Variants in DYM observed in about 807,000 individuals in gnomAD.
DYM encodes dymeclin.
DYM carries 78 observed loss-of-function variants against 93.1 expected under a neutral mutation model. The ratio of observed to expected loss-of-function variants is 0.84; its 90% CI spans 0.70 to 1.01. The LOEUF (loss-of-function observed/expected upper bound fraction) is 1.01, where lower values mean the gene tolerates loss of function less well. DYM is among the 50% of genes least tolerant of loss of function. The pLI is 0.00. For missense variants in DYM, 789 were observed against 845.0 expected (o/e 0.93, Z 0.82); for synonymous variants, 321 against 319.7 (o/e 1.00, Z -0.04).
In DYM at chr18:49,453,110, TG is replaced by T. The variant is rs1386314766; in HGVS notation, c.-54+7287del. ...CACACCCTGTGTCTAGCTCAAGGTT[TG>T]TAAATGCACCAATCAGCACTCTGTA... On this transcript the variant is annotated intron_variant, in intron 1 of 17. Transcript: ENST00000675505. Among the ~76,000 whole-genome samples the T allele has an allele frequency of 3.0e-5, 4 of 134,108 alleles. 1 individual carries two copies. Among genetic ancestry groups the T allele is most frequent in the Non-Finnish European group, 6.4e-5 (4 of 62,060 alleles). The allele number at this position is 134,108 out of a possible 152,430, so 88.0% of individuals were successfully genotyped here.
chr18:49,266,616 T>A (rs1217306799), intron 11 of DYM, among the ~76,000 whole-genome samples: 1 of 152,192 alleles, frequency 6.6e-6, no homozygotes, highest in East Asian at 1.9e-4. Context: ...TGTCTCAACT[T>A]AAATAAAAAG....
chr18:49,048,662 T>C (rs998284342), intron 17 of DYM, among the ~76,000 whole-genome samples: 1 of 152,160 alleles, frequency 6.6e-6, no homozygotes, highest in Non-Finnish European at 1.5e-5. Flanking sequence ...TAGGCAAGGC[T>C]GCTACTAAGT....
intron 1 of DYM, among the ~76,000 whole-genome samples, chr18:49,443,792 C>G (rs538979869): frequency 1.3e-5 from 2 of 152,246 alleles, no homozygotes; most frequent in South Asian, 4.1e-4. Context: ...CCAAATGGCT[C>G]ATTTGTTAAG....
chr18:49,359,900 T>G (rs1331813352), intron 6 of DYM: 2 of 152,294 alleles, frequency 1.3e-5, no homozygotes, highest in East Asian at 3.9e-4. Flanking sequence ...GCACTACAGT[T>G]AGAGGAAATG....
intron 6 of DYM, among the ~76,000 whole-genome samples, chr18:49,338,152 T>A (rs1211774267): frequency 6.6e-6 from 1 of 152,190 alleles, no homozygotes; most frequent in Non-Finnish European, 1.5e-5. Flanking sequence ...TAAATAGCAT[T>A]TCTCCTTAGC....
chr18:49,427,573 G>A (rs1435894994), intron 2 of DYM, among the ~76,000 whole-genome samples: 1 of 151,134 alleles, frequency 6.6e-6, no homozygotes, highest in Admixed American at 6.6e-5. Flanking sequence ...TGTGATAATG[G>A]TATTATGGTT....
intron 11 of DYM, among the ~76,000 whole-genome samples, chr18:49,266,108 A>G (rs114110896): frequency 6.6e-6 from 1 of 152,136 alleles, no homozygotes; most frequent in Non-Finnish European, 1.5e-5. Context: ...TCTCAAAAAA[A>G]TTTTTACAAA....
At chr18:49,183,078 T>C (rs918273511) in intron 14 of DYM, among the ~76,000 whole-genome samples, 1 of 152,212 alleles carries the variant, frequency 6.6e-6, no homozygotes, top group African/African-American at 2.4e-5. Context: ...GAAGTGGTGA[T>C]TGCACATTTT....
chr18:49,146,479 T>C lies in DYM; in HGVS notation c.1728+17206A>G, dbSNP rs188622720. 5.9e-5 allele frequency among the ~76,000 whole-genome samples: 9 copies of C among 152,340 alleles called. No individual in the cohort carries two copies. The South Asian group carries it at 1.5e-3, about 25-fold the overall frequency. On this transcript the variant is annotated intron_variant, in intron 15 of 17. Transcript: ENST00000675505. ...TCAGCACAAAATCTCCTTAAACTGA[T>C]AGGCAACTTCAGCAAAGTCTCAGGT...
At chr18:49,287,488 A>G (rs1202067545) in intron 8 of DYM, among the ~76,000 whole-genome samples, 1 of 151,934 alleles carries the variant, frequency 6.6e-6, no homozygotes, top group East Asian at 1.9e-4. Flanking sequence ...GCATGGTACT[A>G]CTAATGCCCA....
intron 17 of DYM, among the ~76,000 whole-genome samples, chr18:49,055,881 G>A (rs1008935364): frequency 1.3e-5 from 2 of 152,244 alleles, no homozygotes; most frequent in African/African-American, 2.4e-5. Flanking sequence ...CAGCGTTCCA[G>A]GAAATATCCT....
At chr18:49,149,296 C>A (rs989159236) in intron 15 of DYM, among the ~76,000 whole-genome samples, 15 of 152,078 alleles carry the variant, frequency 9.9e-5, no homozygotes, top group African/African-American at 3.6e-4. Context: ...GTTCCAACAG[C>A]CCATGGACCA....
chr18:49,340,248 G>A (rs370123938), intron 6 of DYM, among the ~76,000 whole-genome samples: 16 of 151,860 alleles, frequency 1.1e-4, no homozygotes, highest in East Asian at 1.9e-4. Context: ...CACTGCACCC[G>A]GCCCACGTGG....
intron 3 of DYM, among the ~76,000 whole-genome samples, chr18:49,388,518 G>A (rs2068855969): frequency 6.6e-6 from 1 of 151,586 alleles, no homozygotes. Context: ...GAGGAGAGGA[G>A]AGACAGAATA....
At chr18:49,445,583 A>AT (rs2082029507) in intron 1 of DYM, among the ~76,000 whole-genome samples, 1 of 152,212 alleles carries the variant, frequency 6.6e-6, no homozygotes, top group Non-Finnish European at 1.5e-5. Flanking sequence ...AATTTAGAAG[A>AT]TTTTAATATA....
intron 15 of DYM, among the ~76,000 whole-genome samples, chr18:49,127,012 A>C (rs2082894727): frequency 6.6e-6 from 1 of 152,204 alleles, no homozygotes; most frequent in Non-Finnish European, 1.5e-5. Flanking sequence ...AACTAACCGT[A>C]TTTCCTCAGT....
intron 2 of DYM, among the ~76,000 whole-genome samples, chr18:49,427,599 CTT>C (rs775458731): frequency 6.6e-6 from 1 of 151,628 alleles, no homozygotes; most frequent in South Asian, 2.1e-4. Flanking sequence ...AAAAAAAAGA[CTT>C]TACGATACTT....
Position 49,326,527 on chromosome 18 carries a change from A to T in DYM, c.763+5337T>A, listed in dbSNP as rs112114255. The stretch of plus-strand genomic sequence containing the variant: ...TTAATTTCTATTACACTAATTTTAA[A>T]AACTTACTAGTGGTAATTAAAAGGT... On this transcript the variant is annotated intron_variant, in intron 8 of 17. Coordinates refer to ENST00000675505, the MANE Select transcript of DYM (RefSeq NM_001353214.3). Among the ~76,000 whole-genome samples, 1,262 of 152,298 alleles carry T rather than the reference A, an allele frequency of 8.3e-3. 32 individuals carry two copies. The highest frequency in any genetic ancestry group is 0.076 in the South Asian group (367 of 4,832).
At chr18:49,438,125 G>A (rs1600247553) in intron 1 of DYM, among the ~76,000 whole-genome samples, 1 of 151,764 alleles carries the variant, frequency 6.6e-6, no homozygotes, top group South Asian at 2.1e-4. Flanking sequence ...AGTGAGCCAC[G>A]TCTACACCAC....
Sources: allele counts gnomAD v4.1 joint callset (sites outside exome capture counted in the v4.1 genomes callset), GRCh38; gene constraint gnomAD v4.1.1; transcripts MANE v1.5; gene names NCBI Gene and HGNC (gene_info 2026-07-23, HGNC 2026-07-21).